RALA: variants seen among roughly 807,000 people sequenced by gnomAD.
RALA encodes ras-related protein Ral-A.
In RALA, 5 loss-of-function variants were observed where a neutral mutation model predicts 24.0. The observed-to-expected ratio is 0.21, with a 90% CI of 0.11 to 0.44. The LOEUF is 0.44. Among genes scored for constraint, RALA ranks in the 20% least tolerant of loss-of-function variants. The pLI is 0.99. For synonymous variants in RALA, 77 were observed against 83.8 expected, an observed-to-expected ratio of 0.92 and a Z score of 0.44; for missense variants, 95 against 241.2, an observed-to-expected ratio of 0.39 and a Z score of 4.01.
chr7:39,676,761 T>C (rs1397008242), intron 1 of RALA, among the ~76,000 whole-genome samples: 1 of 152,196 alleles, frequency 6.6e-6, no homozygotes, highest in Non-Finnish European at 1.5e-5. Flanking sequence ...TAGTAAGTAT[T>C]GAAAAAACGG....
At chr7:39,645,263 GTTA>G (rs1030720721) in intron 1 of RALA, among the ~76,000 whole-genome samples, 2 of 152,078 alleles carry the variant, frequency 1.3e-5, no homozygotes, top group African/African-American at 4.8e-5. Flanking sequence ...GCTTACTTTT[GTTA>G]TATTAGTCAA....
chr7:39,673,622 T>A (rs1792426367), intron 1 of RALA, among the ~76,000 whole-genome samples: 1 of 152,198 alleles, frequency 6.6e-6, no homozygotes, highest in Non-Finnish European at 1.5e-5. Context: ...TTGAAATCTC[T>A]TATTTGTAGT....
intron 1 of RALA, among the ~76,000 whole-genome samples, chr7:39,640,969 T>G (rs994288180): frequency 1.3e-5 from 2 of 152,196 alleles, no homozygotes; most frequent in African/African-American, 4.8e-5. Context: ...ATAGTCACCT[T>G]TATCTCCAGA....
At chr7:39,659,945 C>A (rs1036862544) in intron 1 of RALA, among the ~76,000 whole-genome samples, 1 of 152,274 alleles carries the variant, frequency 6.6e-6, no homozygotes, top group East Asian at 1.9e-4. Context: ...AAGGAACATG[C>A]TCTCCAAGGG....
chr7:39,649,042 A>C (rs570255397), intron 1 of RALA, among the ~76,000 whole-genome samples: 2 of 152,314 alleles, frequency 1.3e-5, no homozygotes, highest in Non-Finnish European at 2.9e-5. Flanking sequence ...CCTGTGCGAC[A>C]GAGCGAGACC....
intron 1 of RALA, among the ~76,000 whole-genome samples, chr7:39,663,507 A>G (rs2116002523): frequency 6.6e-6 from 1 of 152,290 alleles, no homozygotes; most frequent in African/African-American, 2.4e-5. Flanking sequence ...GCTCCCAAGA[A>G]GCAGAGAAAA....
intron 1 of RALA, among the ~76,000 whole-genome samples, chr7:39,630,644 T>TTC (rs1791582558): frequency 6.6e-6 from 1 of 152,206 alleles, no homozygotes; most frequent in Non-Finnish European, 1.5e-5. Flanking sequence ...TCATATAGTT[T>TTC]CATTTCTCAC....
At chr7:39,702,242 CT>C (rs1486092959) in intron 4 of RALA, among the ~76,000 whole-genome samples, 2 of 152,230 alleles carry the variant, frequency 1.3e-5, no homozygotes, top group African/African-American at 4.8e-5. Context: ...CTCCTTTCCC[CT>C]CCCTTTCAGT....
At chr7:39,705,740 T>C (rs1405783396) in intron 4 of RALA, among the ~76,000 whole-genome samples, 1 of 151,484 alleles carries the variant, frequency 6.6e-6, no homozygotes, top group African/African-American at 2.4e-5. Context: ...TTTAAGCATA[T>C]ATTATTAAAT....
At chr7:39,660,672 ATAGTTTACT>A (rs1206978806) in intron 1 of RALA, among the ~76,000 whole-genome samples, 2 of 152,190 alleles carry the variant, frequency 1.3e-5, no homozygotes, top group African/African-American at 2.4e-5. Context: ...TTGAACCACA[ATAGTTTACT>A]TACGCAGATT....
intron 1 of RALA, among the ~76,000 whole-genome samples, chr7:39,679,544 A>C (rs923730691): frequency 1.3e-4 from 20 of 152,138 alleles, no homozygotes; most frequent in Non-Finnish European, 2.4e-4. Context: ...TTTTTTGCCC[A>C]ATTTCCTGCA....
chr7:39,641,463 C>T (rs2115943175), intron 1 of RALA, among the ~76,000 whole-genome samples: 1 of 152,278 alleles, frequency 6.6e-6, no homozygotes, highest in South Asian at 2.1e-4. Context: ...GGCTGACCTC[C>T]CCACTTCTCA....
chr7:39,674,644 G>A (rs879827996), intron 1 of RALA, among the ~76,000 whole-genome samples: 8 of 152,130 alleles, frequency 5.3e-5, no homozygotes, highest in Non-Finnish European at 8.8e-5. Flanking sequence ...TACAGATTGA[G>A]TATCCTTTAT....
At chr7:39,641,071 C>T (rs1183892725) in intron 1 of RALA, among the ~76,000 whole-genome samples, 1 of 152,154 alleles carries the variant, frequency 6.6e-6, no homozygotes, top group Non-Finnish European at 1.5e-5. Context: ...GCTTGAGTCT[C>T]ATGCCTTGCT....
intron 1 of RALA, among the ~76,000 whole-genome samples, chr7:39,660,475 C>T (rs1792168493): frequency 6.6e-6 from 1 of 152,038 alleles, no homozygotes; most frequent in South Asian, 2.1e-4. Context: ...GAATTTTATC[C>T]AATGCTTATT....
At chr7:39,667,357 A>C (rs755917910) in intron 1 of RALA, among the ~76,000 whole-genome samples, 6 of 152,232 alleles carry the variant, frequency 3.9e-5, no homozygotes, top group Non-Finnish European at 8.8e-5. Context: ...AAAGACAGGA[A>C]AAAGAATTTA....
chr7:39,701,600 C>G (rs758583472), intron 4 of RALA, among the ~76,000 whole-genome samples: 1 of 152,232 alleles, frequency 6.6e-6, no homozygotes, highest in Non-Finnish European at 1.5e-5. Flanking sequence ...CACAAATTTT[C>G]AGGAATAGCA....
intron 1 of RALA, among the ~76,000 whole-genome samples, chr7:39,672,941 A>T (rs1792415441): frequency 6.6e-6 from 1 of 152,220 alleles, no homozygotes; most frequent in Non-Finnish European, 1.5e-5. Flanking sequence ...TACACTTAAA[A>T]GGGTGAATTT....
chr7:39,674,159 A>G (rs190589484), intron 1 of RALA, among the ~76,000 whole-genome samples: 3 of 152,260 alleles, frequency 2.0e-5, no homozygotes, highest in African/African-American at 7.2e-5. Context: ...ATCTCACTGT[A>G]ACCTCAAACT....
Sources: allele counts gnomAD v4.1 joint callset (sites outside exome capture counted in the v4.1 genomes callset), GRCh38; gene constraint gnomAD v4.1.1; transcripts MANE v1.5; gene names NCBI Gene and HGNC (gene_info 2026-07-23, HGNC 2026-07-21).